Variants in MAGI2 observed in about 807,000 individuals in gnomAD.
The protein encoded by MAGI2 is membrane associated guanylate kinase, WW and PDZ domain containing 2.
Under a neutral mutation model 133.3 loss-of-function variants are expected in MAGI2, and 35 were observed. That is an observed-to-expected ratio of 0.26 (90% confidence interval 0.20 to 0.35). MAGI2 has a LOEUF of 0.35. Among genes scored for constraint, MAGI2 ranks in the 10% least tolerant of loss-of-function variants. MAGI2 has a pLI of 1.00. For synonymous variants in MAGI2, 729 were observed against 710.6 expected, an observed-to-expected ratio of 1.03 and a Z score of -0.41; for missense variants, 1,636 against 1,863.4, an observed-to-expected ratio of 0.88 and a Z score of 2.25.
At chr7:79,222,877 TTTTGTTTG>T (rs976246516) in intron 1 of MAGI2, among the ~76,000 whole-genome samples, 2 of 152,024 alleles carry the variant, frequency 1.3e-5, no homozygotes, top group African/African-American at 2.4e-5. Context: ...CTTTTTGTTT[TTTTGTTTG>T]TTTGTTTGTT....
intron 1 of MAGI2, among the ~76,000 whole-genome samples, chr7:79,219,821 C>A (rs896217464): frequency 5.3e-5 from 8 of 151,964 alleles, no homozygotes; most frequent in Non-Finnish European, 7.4e-5. Flanking sequence ...CACTGGAAAT[C>A]TTTGAATTTT....
intron 12 of MAGI2, among the ~76,000 whole-genome samples, chr7:78,189,668 G>T (rs900823781): frequency 6.6e-6 from 1 of 152,130 alleles, no homozygotes; most frequent in Non-Finnish European, 1.5e-5. Context: ...TTAAACCAAG[G>T]GACAGAACCC....
chr7:78,657,124 A>G (rs1009646102), intron 2 of MAGI2, among the ~76,000 whole-genome samples: 5 of 152,206 alleles, frequency 3.3e-5, no homozygotes, highest in African/African-American at 9.6e-5. Flanking sequence ...TAAAATAACA[A>G]TGAGATACTA....
intron 6 of MAGI2, among the ~76,000 whole-genome samples, chr7:78,458,493 T>C (rs1370205131): frequency 1.3e-5 from 2 of 152,082 alleles, no homozygotes; most frequent in East Asian, 3.9e-4. Flanking sequence ...TGTTTATGGG[T>C]GTGTGCATAT....
At chr7:78,937,019 C>T (rs1800568781) in intron 2 of MAGI2, among the ~76,000 whole-genome samples, 1 of 151,920 alleles carries the variant, frequency 6.6e-6, no homozygotes, top group Non-Finnish European at 1.5e-5. Context: ...CTAAATACCA[C>T]TCTCTAAGAA....
chr7:78,787,725 T>C (rs1314187949), intron 2 of MAGI2, among the ~76,000 whole-genome samples: 2 of 152,220 alleles, frequency 1.3e-5, no homozygotes, highest in Non-Finnish European at 2.9e-5. Flanking sequence ...AAACAGATTT[T>C]AAACTCTCAC....
chr7:78,130,099 A>G (rs1231916094), intron 18 of MAGI2, among the ~76,000 whole-genome samples: 1 of 152,150 alleles, frequency 6.6e-6, no homozygotes, highest in Non-Finnish European at 1.5e-5. Context: ...TGCTATTTAT[A>G]CTTAGTTTTG....
intron 2 of MAGI2, among the ~76,000 whole-genome samples, chr7:78,823,720 G>T (rs1790372488): frequency 6.6e-6 from 1 of 152,042 alleles, no homozygotes; most frequent in Admixed American, 6.6e-5. Flanking sequence ...GGTATCAAGA[G>T]AAAAAGAAAT....
intron 1 of MAGI2, among the ~76,000 whole-genome samples, chr7:79,136,072 A>G (rs201564190): frequency 2.0e-3 from 86 of 43,198 alleles, no homozygotes; most frequent in East Asian, 4.0e-3. Context: ...AAAGAAGGAA[A>G]GAAAGAAAGA....
chr7:78,818,215 A>G (rs1789779293), intron 2 of MAGI2, among the ~76,000 whole-genome samples: 1 of 152,176 alleles, frequency 6.6e-6, no homozygotes, highest in African/African-American at 2.4e-5. Flanking sequence ...GAGTCTTGGC[A>G]TGTGTTTTAA....
At chr7:79,323,584 A>T (rs2129561844) in intron 1 of MAGI2, among the ~76,000 whole-genome samples, 1 of 152,314 alleles carries the variant, frequency 6.6e-6, no homozygotes. Context: ...AGAGGAGTTT[A>T]TGAGCCGCAT....
At chr7:78,742,916 T>C (rs1366896422) in intron 2 of MAGI2, among the ~76,000 whole-genome samples, 2 of 152,102 alleles carry the variant, frequency 1.3e-5, no homozygotes, top group Admixed American at 6.5e-5. Flanking sequence ...AACTAACCCA[T>C]GTGGTCAGAC....
At chr7:78,576,096 A>G (rs1043095959) in intron 3 of MAGI2, among the ~76,000 whole-genome samples, 6 of 150,610 alleles carry the variant, frequency 4.0e-5, no homozygotes, top group Non-Finnish European at 1.5e-5. Context: ...GTTTTCATGA[A>G]AACTACCACA....
chr7:79,158,861 T>A (rs924024508), intron 1 of MAGI2, among the ~76,000 whole-genome samples: 1 of 152,060 alleles, frequency 6.6e-6, no homozygotes, highest in Non-Finnish European at 1.5e-5. Flanking sequence ...TATTAATTGA[T>A]ATTAAGTATC....
chr7:79,409,465 T>C (rs76731406), intron 1 of MAGI2, among the ~76,000 whole-genome samples: 1 of 111,922 alleles, frequency 8.9e-6, no homozygotes, highest in African/African-American at 3.0e-5. Flanking sequence ...TTTCTTTCTG[T>C]TTTTTTTTTC....
At chr7:78,744,592 T>G (rs1822751922) in intron 2 of MAGI2, among the ~76,000 whole-genome samples, 1 of 152,210 alleles carries the variant, frequency 6.6e-6, no homozygotes, top group Non-Finnish European at 1.5e-5. Context: ...AAGTTGTGAC[T>G]GCTGGGAACT....
chr7:78,796,425 C>A (rs1374734035), intron 2 of MAGI2, among the ~76,000 whole-genome samples: 1 of 151,868 alleles, frequency 6.6e-6, no homozygotes, highest in African/African-American at 2.4e-5. Context: ...AAATCAAAAC[C>A]ACAATGGGAT....
chr7:79,123,464 T>G (rs552662443), intron 1 of MAGI2, among the ~76,000 whole-genome samples: 18 of 152,172 alleles, frequency 1.2e-4, no homozygotes, highest in Non-Finnish European at 2.2e-4. Context: ...TGATAATACC[T>G]ACCCTATTGG....
chr7:78,905,819 C>T (rs62467727), intron 2 of MAGI2, among the ~76,000 whole-genome samples: 16,429 of 152,132 alleles, frequency 0.11, 1,131 homozygotes, highest in Admixed American at 0.22. Context: ...TAAGGGGTCA[C>T]ATACCAAAAA....
Sources: allele counts gnomAD v4.1 joint callset (sites outside exome capture counted in the v4.1 genomes callset), GRCh38; gene constraint gnomAD v4.1.1; transcripts MANE v1.5; gene names NCBI Gene and HGNC (gene_info 2026-07-23, HGNC 2026-07-21).